Variants in NCALD observed in about 807,000 individuals in gnomAD.
NCALD encodes neurocalcin-delta.
In NCALD, 10 loss-of-function variants were observed where a neutral mutation model predicts 18.6. That is an observed-to-expected ratio of 0.54 (90% CI 0.33 to 0.91). The LOEUF is 0.91. Ranked by LOEUF, NCALD falls within the 40% of genes least tolerant of loss-of-function variation. The pLI, the probability that NCALD is intolerant of heterozygous loss-of-function variation, is 0.03. For missense variants in NCALD, 184 were observed against 247.6 expected (o/e 0.74, Z 1.72); for synonymous variants, 88 against 87.4 (o/e 1.01, Z -0.04).
chr8:102,003,831 C>T (rs112461810), intron 2 of NCALD, among the ~76,000 whole-genome samples: 4 of 152,278 alleles, frequency 2.6e-5, no homozygotes, highest in African/African-American at 9.6e-5. Flanking sequence ...TTCAACAACC[C>T]TTCATGCTAA....
intron 2 of NCALD, among the ~76,000 whole-genome samples, chr8:101,992,777 C>T (rs1220559102): frequency 6.6e-6 from 1 of 152,054 alleles, no homozygotes; most frequent in Non-Finnish European, 1.5e-5. Context: ...GTGTTCAGCC[C>T]ATGCCCAGGC....
At chr8:102,049,843 A>T (rs1204851364) in intron 1 of NCALD, among the ~76,000 whole-genome samples, 1 of 152,144 alleles carries the variant, frequency 6.6e-6, no homozygotes. Flanking sequence ...GTATCTTTTC[A>T]GACCTCTTGC....
At position 101,751,640 on chromosome 8, in the gene NCALD, T is replaced by C. The variant is rs546729828; in HGVS notation, c.-19-31992A>G. On this transcript the variant is annotated intron_variant, in intron 1 of 3. Coordinates refer to ENST00000220931, the MANE Select transcript of NCALD (RefSeq NM_032041.3). ...CTACCCTGGCTTCCCAGCAGCCACATGTCACTGGGGCAGAACTTTCCTCAG... is the reference window on the plus strand; with the variant it reads ...CTACCCTGGCTTCCCAGCAGCCACACGTCACTGGGGCAGAACTTTCCTCAG... 5.9e-5 allele frequency among the ~76,000 whole-genome samples: 9 copies of C among 152,326 alleles called. No homozygotes were observed. The East Asian group carries it at 1.7e-3, about 29-fold the overall frequency.
chr8:101,879,143 C>T lies in NCALD; in HGVS notation c.-20+7998G>A, dbSNP rs116708807. On this transcript the variant is annotated intron_variant, in intron 4 of 6. Transcript: ENST00000311028. ...TGGTTTGGAGACTGCCAAACTTCCACGGTGAGTTTCCTGGGGTAGATTCTA... is the reference window on the plus strand; with the variant it reads ...TGGTTTGGAGACTGCCAAACTTCCATGGTGAGTTTCCTGGGGTAGATTCTA... Among the ~76,000 whole-genome samples, 710 of 152,280 alleles carry T rather than the reference C, an allele frequency of 4.7e-3. 9 individuals carry two copies. The highest frequency in any genetic ancestry group is 0.016 in the African/African-American group (654 of 41,546).
At chr8:101,790,342 T>C (rs918666158) in intron 1 of NCALD, among the ~76,000 whole-genome samples, 4 of 152,232 alleles carry the variant, frequency 2.6e-5, no homozygotes, top group Admixed American at 6.5e-5. Context: ...AGGTTTTACT[T>C]ACAAGCAAAA....
intron 1 of NCALD, among the ~76,000 whole-genome samples, chr8:102,056,318 T>G (rs1823648108): frequency 6.6e-6 from 1 of 152,214 alleles, no homozygotes; most frequent in Non-Finnish European, 1.5e-5. Context: ...GTCAGAACTC[T>G]GAGCCTACCC....
chr8:101,990,068 G>GT (rs1428827925), intron 2 of NCALD, among the ~76,000 whole-genome samples: 1 of 152,090 alleles, frequency 6.6e-6, no homozygotes. Context: ...ATTCGTCCTG[G>GT]TTTTTTATTT....
chr8:101,831,186 C>A lies in NCALD; in HGVS notation c.-20+55955G>T, dbSNP rs117737757. ...GTTCTTTTGCAAGCAATAGATTCTCCTGTACACCCTACATGTATAGGCCAC... is the reference window on the plus strand; with the variant it reads ...GTTCTTTTGCAAGCAATAGATTCTCATGTACACCCTACATGTATAGGCCAC... On this transcript the variant is annotated intron_variant, in intron 4 of 6. Coordinates refer to the NCALD transcript ENST00000311028. Among the ~76,000 whole-genome samples, 14 of 152,264 alleles carry A rather than the reference C, an allele frequency of 9.2e-5. No homozygotes were observed. The East Asian group carries it at 2.7e-3, about 29-fold the overall frequency.
chr8:101,725,059 T>C (rs547208864), intron 1 of NCALD, among the ~76,000 whole-genome samples: 21 of 152,258 alleles, frequency 1.4e-4, no homozygotes, highest in Admixed American at 7.2e-4. Context: ...CATGGTGATG[T>C]GGACAGGAGG....
intron 2 of NCALD, among the ~76,000 whole-genome samples, chr8:101,953,437 A>G (rs1168323307): frequency 6.6e-6 from 1 of 152,246 alleles, no homozygotes; most frequent in African/African-American, 2.4e-5. Context: ...GAGAGACATT[A>G]AGAGTTGAGC....
chr8:101,894,989 G>A (rs1373599179), intron 3 of NCALD, among the ~76,000 whole-genome samples: 7 of 150,874 alleles, frequency 4.6e-5, no homozygotes, highest in African/African-American at 1.5e-4. Flanking sequence ...TAGAAAAAGA[G>A]GGAATCCTCC....
At chr8:101,803,057 G>T (rs1348937771) in intron 4 of NCALD, among the ~76,000 whole-genome samples, 1 of 152,154 alleles carries the variant, frequency 6.6e-6, no homozygotes, top group Non-Finnish European at 1.5e-5. Flanking sequence ...ATTGGAAGAA[G>T]ATGCCATCTA....
chr8:101,840,339 A>G (rs1814593319), intron 4 of NCALD, among the ~76,000 whole-genome samples: 1 of 152,228 alleles, frequency 6.6e-6, no homozygotes. Context: ...TGAAGAGTCC[A>G]CTGCAAACTC....
rs537385668 is a variant in NCALD at position 101,873,872 on chromosome 8, C to T, written c.-20+13269G>A. ...TGTTTCTGAATGGATAAATCAACTT[C>T]ATATTATGCTACAACCAAGGATAGC... On this transcript the variant is annotated intron_variant, in intron 4 of 6. Transcript: ENST00000311028. Among the ~76,000 whole-genome samples, 3 of 152,304 alleles carry T rather than the reference C, an allele frequency of 2.0e-5. No individual in the cohort carries two copies. In the South Asian group the frequency reaches 6.2e-4, roughly 32 times the overall value.
chr8:102,004,194 A>C (rs1295010272), intron 2 of NCALD, among the ~76,000 whole-genome samples: 2 of 151,976 alleles, frequency 1.3e-5, no homozygotes, highest in Admixed American at 6.6e-5. Flanking sequence ...CAGGATACAA[A>C]ATCAATGTAC....
intron 2 of NCALD, chr8:101,693,328 T>TTG (rs1814829092): frequency 1.0e-5 from 1 of 95,260 alleles, no homozygotes. Flanking sequence ...GTTTTTTTTT[T>TTG]TTTTTTTTTT....
At chr8:101,716,193 A>G (rs1462088455) in intron 2 of NCALD, among the ~76,000 whole-genome samples, 2 of 152,224 alleles carry the variant, frequency 1.3e-5, no homozygotes, top group East Asian at 1.9e-4. Flanking sequence ...GCTGGATACC[A>G]TCATTCTCAG....
At chr8:101,769,054 T>C (rs1811473671) in intron 1 of NCALD, among the ~76,000 whole-genome samples, 1 of 152,126 alleles carries the variant, frequency 6.6e-6, no homozygotes, top group Admixed American at 6.6e-5. Flanking sequence ...CTGAGTGCTG[T>C]GGGCTGTGAG....
intron 1 of NCALD, among the ~76,000 whole-genome samples, chr8:101,751,492 TA>T (rs1322280657): frequency 6.6e-6 from 1 of 152,142 alleles, no homozygotes; most frequent in African/African-American, 2.4e-5. Flanking sequence ...TAAAATTAGT[TA>T]AAATGGTAAA....
Sources: gnomAD v4.1 joint callset for allele counts (sites outside exome capture counted in the v4.1 genomes callset) on GRCh38, gnomAD v4.1.1 for gene constraint, MANE v1.5 for transcripts, NCBI Gene and HGNC (gene_info 2026-07-23, HGNC 2026-07-21) for gene names.